Variants in KCNN2 observed in about 807,000 individuals in gnomAD.
KCNN2 encodes small conductance calcium-activated potassium channel protein 2.
KCNN2 carries 24 observed loss-of-function variants against 55.5 expected under a neutral mutation model. The observed-to-expected ratio is 0.43, with a 90% CI of 0.31 to 0.61. The LOEUF is 0.61. Among genes scored for constraint, KCNN2 ranks in the 20% least tolerant of loss-of-function variants. The probability of loss-of-function intolerance (pLI) is 0.08; values close to 1 mark genes in which losing one functional copy is unlikely to be tolerated. For synonymous variants in KCNN2, 431 were observed against 336.1 expected (o/e 1.28, Z -3.09); for missense variants, 754 against 853.6 (o/e 0.88, Z 1.45).
Position 114,266,958 on chromosome 5 carries a change from G to C in KCNN2, c.-185+45393G>C, listed in dbSNP as rs188956737. Among the ~76,000 whole-genome samples, 112 of 148,882 alleles carry C rather than the reference G, an allele frequency of 7.5e-4. 8 individuals carry two copies. The highest frequency in any genetic ancestry group is 2.6e-3 in the African/African-American group (105 of 40,484). On this transcript the variant is annotated intron_variant, in intron 2 of 10. Transcript: ENST00000512097. Reference sequence around the variant, plus strand: ...CTCTCTTAGTCCCATCTGGATTACTGATATTAAGATGCTTCACGAACACCC... The same window carrying C: ...CTCTCTTAGTCCCATCTGGATTACTCATATTAAGATGCTTCACGAACACCC...
rs1761824776 is a variant in KCNN2, at chr5:114,473,156, A to T, written c.1882A>T (p.Thr628Ser). ...CAATTTCATGATGGATACTCAGCTGACTAAAAGAGTAAGTTACTATCCATA... is the reference window on the plus strand; with the variant it reads ...CAATTTCATGATGGATACTCAGCTGTCTAAAAGAGTAAGTTACTATCCATA... ...VHNFMMDTQL[T>S]KRVKNAAANV... The change falls in exon 5 of 8, where the codon ACT (threonine) becomes TCT (serine). Residue 628 changes from threonine to serine, a missense_variant. Physicochemically the swap from Thr to Ser is moderately conservative, Grantham distance 58. Transcript: ENST00000673685. 2 of 1,581,398 alleles carry T rather than the reference A, an allele frequency of 1.3e-6. No homozygotes were observed. The highest frequency in any genetic ancestry group is 2.2e-5 in the South Asian group (2 of 89,600).
In KCNN2 at chr5:114,373,430, A is replaced by G. The variant is rs1277394277; in HGVS notation, c.1218+9429A>G. On this transcript the variant is annotated intron_variant, in intron 2 of 7. Transcript: ENST00000673685. Reference sequence around the variant, plus strand: ...AGTGTGATTTCTGACAATTTTCTCTAAACTTTCCTGCTGAGCAGAGCAATA... The same window carrying G: ...AGTGTGATTTCTGACAATTTTCTCTGAACTTTCCTGCTGAGCAGAGCAATA... Among the ~76,000 whole-genome samples the G allele has an allele frequency of 2.0e-5, 3 of 151,234 alleles. No individual in the cohort carries two copies. In the East Asian group the frequency reaches 5.9e-4, roughly 30 times the overall value.
intron 1 of KCNN2, among the ~76,000 whole-genome samples, chr5:114,124,618 C>A (rs572573411): frequency 2.0e-4 from 31 of 152,290 alleles, no homozygotes; most frequent in African/African-American, 7.0e-4. Context: ...TACTCTCTCC[C>A]TTGTCTCTGC....
intron 2 of KCNN2, among the ~76,000 whole-genome samples, chr5:114,223,917 A>C (rs1282400893): frequency 6.6e-6 from 1 of 152,156 alleles, no homozygotes; most frequent in Non-Finnish European, 1.5e-5. Context: ...GGGCAGAACA[A>C]TGTTGGTTCT....
intron 2 of KCNN2, among the ~76,000 whole-genome samples, chr5:114,234,282 C>G (rs560371210): frequency 6.6e-6 from 1 of 152,224 alleles, no homozygotes; most frequent in African/African-American, 2.4e-5. Flanking sequence ...GTCTCTCATC[C>G]TCAAACCATG....
chr5:114,258,612 T>C (rs1755033235), intron 2 of KCNN2, among the ~76,000 whole-genome samples: 1 of 152,118 alleles, frequency 6.6e-6, no homozygotes, highest in Non-Finnish European at 1.5e-5. Context: ...CTTCTAGGTT[T>C]TCTGGTTTGT....
At chr5:114,184,036 A>C (rs1485210853) in intron 1 of KCNN2, among the ~76,000 whole-genome samples, 1 of 152,194 alleles carries the variant, frequency 6.6e-6, no homozygotes, top group Non-Finnish European at 1.5e-5. Context: ...ACATAGGTCT[A>C]ATAGCTTTTA....
rs1355870160 is a variant in KCNN2, at chr5:114,232,280, C to A, written c.-185+10715C>A. Among the ~76,000 whole-genome samples the A allele has an allele frequency of 2.6e-5, 4 of 151,098 alleles. No individual in the cohort carries two copies. In the South Asian group the frequency reaches 6.2e-4, roughly 24 times the overall value. On this transcript the variant is annotated intron_variant, in intron 2 of 10. Transcript: ENST00000512097. Reference sequence around the variant, plus strand: ...AACAGGTCATGAGTCCTATTTACTCCACAATTTATAACATTAAATTTAATT... The same window carrying A: ...AACAGGTCATGAGTCCTATTTACTCAACAATTTATAACATTAAATTTAATT...
At chr5:114,339,219 C>G (rs575314582) in intron 2 of KCNN2, among the ~76,000 whole-genome samples, 1 of 152,314 alleles carries the variant, frequency 6.6e-6, no homozygotes, top group South Asian at 2.1e-4. Flanking sequence ...AGTTGTGGCC[C>G]TCTACTACCA....
chr5:114,209,933 A>T (rs1375578301), intron 1 of KCNN2, among the ~76,000 whole-genome samples: 1 of 125,976 alleles, frequency 7.9e-6, no homozygotes, highest in Non-Finnish European at 1.7e-5. Flanking sequence ...TCCTAAAATC[A>T]TTTTATTTTC....
chr5:114,128,783 A>T (rs190327944), intron 1 of KCNN2, among the ~76,000 whole-genome samples: 12 of 152,308 alleles, frequency 7.9e-5, no homozygotes, highest in African/African-American at 2.2e-4. Context: ...GAATGAAATT[A>T]AAAAAATCCT....
At chr5:114,445,327 AG>A (rs976687269) in intron 3 of KCNN2, among the ~76,000 whole-genome samples, 1 of 152,236 alleles carries the variant, frequency 6.6e-6, no homozygotes, top group African/African-American at 2.4e-5. Context: ...CTAAGAAAAA[AG>A]GGGTTATCAT....
intron 1 of KCNN2, among the ~76,000 whole-genome samples, chr5:114,127,233 G>T (rs1443292216): frequency 6.6e-6 from 1 of 152,112 alleles, no homozygotes; most frequent in Non-Finnish European, 1.5e-5. Context: ...GGGGCTGGGG[G>T]CTCCGGCTCC....
exon 1 of KCNN2, chr5:114,056,125 C>T: frequency 2.6e-6 from 1 of 378,490 alleles, no homozygotes; most frequent in Non-Finnish European, 4.7e-6. Flanking sequence ...AGTACCGAAG[C>T]AGGGGCAGCC....
intron 1 of KCNN2, among the ~76,000 whole-genome samples, chr5:114,131,623 T>C (rs950633059): frequency 2.0e-5 from 3 of 152,252 alleles, no homozygotes; most frequent in Non-Finnish European, 2.9e-5. Flanking sequence ...ATAAAATGAT[T>C]GAAATTCCTT....
At chr5:114,442,285 TAG>T (rs949697716) in intron 3 of KCNN2, among the ~76,000 whole-genome samples, 13 of 150,880 alleles carry the variant, frequency 8.6e-5, no homozygotes, top group African/African-American at 2.4e-4. Context: ...ACTGTATATA[TAG>T]AGAGAGAGAG....
intron 1 of KCNN2, among the ~76,000 whole-genome samples, chr5:114,214,145 A>T (rs1485143116): frequency 1.3e-5 from 2 of 152,164 alleles, no homozygotes; most frequent in Admixed American, 6.6e-5. Flanking sequence ...GGTAATTAGT[A>T]AATAGTTTCA....
At chr5:114,215,939 T>C (rs76974271) in intron 1 of KCNN2, among the ~76,000 whole-genome samples, 2,932 of 152,240 alleles carry the variant, frequency 0.019, 87 homozygotes, top group African/African-American at 0.066. Flanking sequence ...AAAAGCATTT[T>C]AATGAACTAG....
intron 2 of KCNN2, among the ~76,000 whole-genome samples, chr5:114,335,576 C>G (rs1287562808): frequency 6.6e-6 from 1 of 152,138 alleles, no homozygotes; most frequent in Non-Finnish European, 1.5e-5. Context: ...GGTACATACT[C>G]CACATACCAT....
Sources: allele counts gnomAD v4.1 joint callset (sites outside exome capture counted in the v4.1 genomes callset), GRCh38; gene constraint gnomAD v4.1.1; transcripts MANE v1.5; gene names NCBI Gene and HGNC (gene_info 2026-07-23, HGNC 2026-07-21).